Variants in DNMBP observed in about 807,000 individuals in gnomAD.
DNMBP encodes the protein dynamin binding protein.
A neutral mutation model predicts 150.0 loss-of-function variants in DNMBP; 87 were observed. The observed-to-expected ratio is 0.58, with a 90% CI of 0.49 to 0.69. DNMBP has a LOEUF of 0.69. Among genes scored for constraint, DNMBP ranks in the 30% least tolerant of loss-of-function variants. DNMBP has a pLI of 0.00. For synonymous variants in DNMBP, 711 were observed against 750.4 expected, an observed-to-expected ratio of 0.95 and a Z score of 0.86; for missense variants, 1,774 against 1,949.0, an observed-to-expected ratio of 0.91 and a Z score of 1.69.
At chr10:99,903,817 C>G (rs1173074858) in intron 6 of DNMBP, among the ~76,000 whole-genome samples, 1 of 152,210 alleles carries the variant, frequency 6.6e-6, no homozygotes, top group African/African-American at 2.4e-5. Flanking sequence ...TGTTCTATAT[C>G]AATTACAAAC....
Position 99,886,529 on chromosome 10 carries a change from T to C in DNMBP, c.3389A>G (p.Asp1130Gly). The C allele has an allele frequency of 6.2e-7, 1 of 1,614,158 alleles. No individual in the cohort carries two copies. Among genetic ancestry groups the C allele is most frequent in the Non-Finnish European group, 8.5e-7 (1 of 1,180,032 alleles). ...LVQKRFDKLL[D>G]FYNCTERAEK... ...TGCCCGTTCTGTACAGTTATAGAAG[T>C]CCAGGAGCTTGTCAAAGCGTTTCTG... The change falls in exon 13 of 17, where the codon GAC becomes GGC. Residue 1130 changes from aspartate (D) to glycine (G), a missense_variant. Asp to Gly is a moderately conservative substitution (Grantham distance 94). Coordinates refer to ENST00000324109, the MANE Select transcript of DNMBP (RefSeq NM_015221.4).
intron 1 of DNMBP, among the ~76,000 whole-genome samples, chr10:99,980,728 C>A (rs2040773406): frequency 6.6e-6 from 1 of 151,710 alleles, no homozygotes; most frequent in African/African-American, 2.4e-5. Context: ...TTGCTTGAGC[C>A]CAGGAGATTG....
At chr10:99,879,592 C>T (rs889424429) in intron 16 of DNMBP, among the ~76,000 whole-genome samples, 2 of 152,190 alleles carry the variant, frequency 1.3e-5, no homozygotes, top group Non-Finnish European at 2.9e-5. Flanking sequence ...CACCCAGTGA[C>T]ACAGAGGGGT....
chr10:99,886,300 CGAA>C lies in DNMBP; in HGVS notation c.3615_3617del (p.Ser1206del). 6.2e-7 allele frequency: 1 copy of C among 1,609,682 alleles called. No homozygotes were observed. The highest frequency in any genetic ancestry group is 8.5e-7 in the Non-Finnish European group (1 of 1,176,574). ...CCCACTGAACAGGTAAGAAACTCAC[CGAA>C]AGCAGTGGCTTTAATTGCTCCAGAG... is the stretch of plus-strand genomic sequence containing the variant. On this transcript the variant is annotated inframe_deletion and splice_region_variant, in exon 13 of 17. Transcript: ENST00000324109.
At chr10:99,948,971 A>AATAAATAC (rs1261511138) in intron 4 of DNMBP, among the ~76,000 whole-genome samples, 1 of 132,092 alleles carries the variant, frequency 7.6e-6, no homozygotes, top group Admixed American at 7.2e-5. Context: ...CTCAAAAATA[A>AATAAATAC]ATAAATAAAT....
At chr10:99,902,168 G>GGCGTGAGTCACCA (rs1412604404) in intron 6 of DNMBP, among the ~76,000 whole-genome samples, 19 of 152,010 alleles carry the variant, frequency 1.2e-4, no homozygotes, top group Non-Finnish European at 4.4e-5. Flanking sequence ...TGGGATAACG[G>GGCGTGAGTCACCA]GCGTGAGTCA....
chr10:99,992,133 G>A (rs929309199), intron 1 of DNMBP, among the ~76,000 whole-genome samples: 1 of 151,712 alleles, frequency 6.6e-6, no homozygotes, highest in Non-Finnish European at 1.5e-5. Flanking sequence ...CCAGCTACTT[G>A]GGAGGCTAAA....
intron 4 of DNMBP, chr10:99,929,700 G>C: frequency 1.4e-6 from 1 of 702,928 alleles, no homozygotes; most frequent in Non-Finnish European, 2.6e-6. Flanking sequence ...CCAAGTCTCT[G>C]GGCCATTTAA....
intron 4 of DNMBP, among the ~76,000 whole-genome samples, chr10:99,916,064 G>C (rs1176802593): frequency 6.6e-6 from 1 of 152,302 alleles, no homozygotes; most frequent in African/African-American, 2.4e-5. Flanking sequence ...CTGATAATTA[G>C]AGCCACAGTT....
rs150436660 is a variant in DNMBP, at chr10:99,943,380, TTTTGTTTGTTTG to T, written c.2260+11822_2260+11833del. Among the ~76,000 whole-genome samples, 1,305 of 151,116 alleles carry T rather than the reference TTTTGTTTGTTTG, an allele frequency of 8.6e-3. 18 individuals carry two copies. Among genetic ancestry groups the T allele is most frequent in the Middle Eastern group, 0.044 (13 of 294 alleles). On this transcript the variant is annotated intron_variant, in intron 4 of 16. Coordinates refer to ENST00000324109, the MANE Select transcript of DNMBP (RefSeq NM_015221.4). ...TGAGAAGGAATTCTTGTGTGTGGTT[TTTTGTTTGTTTG>T]TTTGTTTGTTTGTTTGTTTTTTTGA...
intron 1 of DNMBP, among the ~76,000 whole-genome samples, chr10:99,986,594 C>CAAAAAAAAAAAAAAAAAAAAAAAA (rs747726572): frequency 1.3e-5 from 1 of 74,168 alleles, no homozygotes; most frequent in African/African-American, 4.8e-5. Flanking sequence ...GACTCCGTCT[C>CAAAAAAAAAAAAAAAAAAAAAAAA]AAAAAAAAAA....
At chr10:99,898,341 TG>T (rs1429355999) in intron 8 of DNMBP, 56 bp from the exon 9 acceptor site, 1 of 1,475,260 alleles carries the variant, frequency 6.8e-7, no homozygotes, top group East Asian at 2.3e-5. Flanking sequence ...GCGCCCAGCC[TG>T]GGAACATCGT....
chr10:99,885,607 G>A (rs1024883334), intron 14 of DNMBP, 80 bp downstream of exon 14: 2 of 1,269,758 alleles, frequency 1.6e-6, no homozygotes, highest in African/African-American at 3.0e-5. Context: ...CCAATAGTGG[G>A]ATCTGGGCCT....
At chr10:99,883,668 A>AAAAAAAAAG (rs2039405371) in intron 15 of DNMBP, among the ~76,000 whole-genome samples, 28 of 145,676 alleles carry the variant, frequency 1.9e-4, no homozygotes, top group Admixed American at 5.5e-4. Context: ...AAAAAAAAAA[A>AAAAAAAAAG]TTTGAAAAGA....
intron 4 of DNMBP, among the ~76,000 whole-genome samples, chr10:99,922,691 T>C (rs1226027213): frequency 2.6e-5 from 4 of 151,904 alleles, no homozygotes; most frequent in Non-Finnish European, 5.9e-5. Flanking sequence ...CTAATTTTGT[T>C]TGTCTAGCTT....
In DNMBP at chr10:99,901,760, T is replaced by C. The variant is rs1189599822; in HGVS notation, c.2555-1694A>G. On this transcript the variant is annotated intron_variant, in intron 6 of 16. Transcript: ENST00000324109. Reference sequence around the variant, plus strand: ...TTCTCCTCCCTCCAATATGATACTATTTACTGCTTCCCTACAACCAACCAT... The same window carrying C: ...TTCTCCTCCCTCCAATATGATACTACTTACTGCTTCCCTACAACCAACCAT... 2.0e-5 allele frequency among the ~76,000 whole-genome samples: 3 copies of C among 152,236 alleles called. No homozygotes were observed. In the East Asian group the frequency reaches 5.8e-4, roughly 29 times the overall value.
chr10:99,929,207 G>C (rs1183663363), intron 4 of DNMBP, among the ~76,000 whole-genome samples: 3 of 150,262 alleles, frequency 2.0e-5, no homozygotes, highest in African/African-American at 7.3e-5. Flanking sequence ...AAGAAGTGTA[G>C]AGACTGAGAG....
chr10:99,986,438 T>G (rs553095513), intron 1 of DNMBP, among the ~76,000 whole-genome samples: 26 of 152,078 alleles, frequency 1.7e-4, no homozygotes, highest in African/African-American at 6.3e-4. Context: ...GAGAATTTAT[T>G]TGGTGGGAAA....
chr10:99,939,519 T>C (rs58657932), intron 4 of DNMBP, among the ~76,000 whole-genome samples: 1 of 152,380 alleles, frequency 6.6e-6, no homozygotes, highest in East Asian at 1.9e-4. Context: ...ATCTTGTCTT[T>C]AACCTCCAAA....
Sources: gnomAD v4.1 joint callset for allele counts (sites outside exome capture counted in the v4.1 genomes callset) on GRCh38, gnomAD v4.1.1 for gene constraint, MANE v1.5 for transcripts, NCBI Gene and HGNC (gene_info 2026-07-23, HGNC 2026-07-21) for gene names.